The following ORC1 variants were observed in gnomAD, a reference collection of about 807,000 sequenced individuals.
ORC1 encodes the protein origin recognition complex, subunit 1 homolog.
ORC1 carries 61 observed loss-of-function variants against 98.9 expected under a neutral mutation model. The ratio of observed to expected loss-of-function variants is 0.62; its 90% confidence interval spans 0.50 to 0.76. The LOEUF (loss-of-function observed/expected upper bound fraction) is 0.76, where lower values mean the gene tolerates loss of function less well. Among genes scored for constraint, ORC1 ranks in the 30% least tolerant of loss-of-function variants. ORC1 has a pLI of 0.00. For synonymous variants in ORC1, 385 were observed against 406.9 expected, an observed-to-expected ratio of 0.95 and a Z score of 0.65; for missense variants, 979 against 1,072.2, an observed-to-expected ratio of 0.91 and a Z score of 1.21.
chr1:52,404,927 T>C (rs779833235), upstream of ORC1: 1 of 1,600,906 alleles, frequency 6.2e-7, no homozygotes, highest in South Asian at 1.1e-5. Context: ...GTGGCCCATT[T>C]CTCCTGACCG....
upstream of ORC1, chr1:52,404,434 A>C (rs887277658): frequency 1.7e-5 from 4 of 237,200 alleles, no homozygotes; most frequent in Non-Finnish European, 2.5e-5. Context: ...AGAAAAGAAA[A>C]CTTCGCGCCA....
intron 8 of ORC1, among the ~76,000 whole-genome samples, chr1:52,387,113 G>A (rs1398800804): frequency 6.6e-6 from 1 of 152,136 alleles, no homozygotes; most frequent in African/African-American, 2.4e-5. Flanking sequence ...TTTGGGTGGG[G>A]GCCAGGAGAC....
In ORC1 at chr1:52,393,521, G is replaced by A; in HGVS notation, c.1004C>T (p.Thr335Ile). 1 of 1,614,154 alleles carries A rather than the reference G, an allele frequency of 6.2e-7. No homozygotes were observed. The highest frequency in any genetic ancestry group is 8.5e-7 in the Non-Finnish European group (1 of 1,180,004). ...CTGTCCCCCACTGATAGGGGTAAGT[G>A]TTCTCTCCTCTCTAATGTCTATGGT... ...SKTIDIREER[T>I]LTPISGGQRS... Residue 335 changes from threonine to isoleucine, a missense_variant, in exon 6 of 17, where the codon ACA (threonine) becomes ATA (isoleucine). Physicochemically the swap from Thr to Ile is moderately conservative, Grantham distance 89 (BLOSUM62 -1). Transcript: ENST00000371568.
intron 14 of ORC1, among the ~76,000 whole-genome samples, chr1:52,376,019 T>C (rs1646991126): frequency 6.6e-6 from 1 of 152,138 alleles, no homozygotes; most frequent in African/African-American, 2.4e-5. Flanking sequence ...AGGCACCCCT[T>C]ACAGCACGTG....
At chr1:52,399,501 G>A (rs1335601769) in intron 3 of ORC1, among the ~76,000 whole-genome samples, 1 of 151,886 alleles carries the variant, frequency 6.6e-6, no homozygotes, top group Non-Finnish European at 1.5e-5. Flanking sequence ...GCGGGTGCCT[G>A]TAGTCTCAGC....
At chr1:52,396,802 T>C (rs61782544) in intron 4 of ORC1, among the ~76,000 whole-genome samples, 3,186 of 152,302 alleles carry the variant, frequency 0.021, 72 homozygotes, top group Middle Eastern at 0.11. Context: ...CACAAACTTA[T>C]CTAAACATGC....
intron 13 of ORC1, 34 bp downstream of exon 13, chr1:52,383,386 G>C: frequency 6.2e-7 from 1 of 1,611,238 alleles, no homozygotes; most frequent in Non-Finnish European, 8.5e-7. Flanking sequence ...TTACAGATCT[G>C]CAAGAACAGC....
At position 52,388,666 on chromosome 1, in the gene ORC1, C is replaced by G. The variant is rs763162192; in HGVS notation, c.1188-29G>C. ...AATGGTAGGGACATATTTTTTGATACTCAGTGTTCAAGTCTAAATAAGAAG... is the reference window on the plus strand; with the variant it reads ...AATGGTAGGGACATATTTTTTGATAGTCAGTGTTCAAGTCTAAATAAGAAG... On this transcript the variant is annotated intron_variant, in intron 7 of 16. Coordinates refer to ENST00000371568, the MANE Select transcript of ORC1 (RefSeq NM_004153.4). The G allele has an allele frequency of 1.1e-5, 18 of 1,578,956 alleles. No homozygotes were observed. In the South Asian group the frequency reaches 2.0e-4, roughly 17 times the overall value.
chr1:52,402,932 T>C (rs983462272), intron 1 of ORC1, among the ~76,000 whole-genome samples: 2 of 152,168 alleles, frequency 1.3e-5, no homozygotes, highest in Non-Finnish European at 2.9e-5. Flanking sequence ...TTATTATCAC[T>C]TCAAGGTGAT....
rs79223694 is a variant in ORC1, at chr1:52,375,389, C to A, written c.2303+41G>T. On this transcript the variant is annotated intron_variant, in intron 15 of 16. Transcript: ENST00000371568. ...AAAGCTTAGAAAGGGAAACATGTTT[C>A]TACAGCCTTCCAGGAAGGCTCAGGA... 1,695 of 1,594,528 alleles carry A rather than the reference C, an allele frequency of 1.1e-3. 14 individuals carry two copies. In the African/African-American group the frequency reaches 0.021, roughly 20 times the overall value.
At chr1:52,404,864 T>A, upstream of ORC1, 1 of 1,614,064 alleles carries the variant, frequency 6.2e-7, no homozygotes, top group South Asian at 1.1e-5. Flanking sequence ...GAAAGAGGAG[T>A]GCTTTGGACT....
chr1:52,385,201 A>C lies in ORC1; in HGVS notation c.1543T>G (p.Tyr515Asp). 6.2e-7 allele frequency: 1 copy of C among 1,613,982 alleles called. No individual in the cohort carries two copies. The highest frequency in any genetic ancestry group is 8.5e-7 in the Non-Finnish European group (1 of 1,179,818). Residue 515 changes from tyrosine to aspartate, a missense_variant, in exon 10 of 17, where the codon TAC becomes GAC. By Grantham distance (160) the Tyr-to-Asp change is radical. Coordinates refer to ENST00000371568, the MANE Select transcript of ORC1 (RefSeq NM_004153.4). ...AGGAGTTTGCTTTCCACAAAATTGTAGATGTCTTGGAATTCCTGTTCCCGA... is the reference window on the plus strand; with the variant it reads ...AGGAGTTTGCTTTCCACAAAATTGTCGATGTCTTGGAATTCCTGTTCCCGA... ...PCREQEFQDIYNFVESKLLDH... is the reference protein window; with the variant it reads ...PCREQEFQDIDNFVESKLLDH...
At chr1:52,388,735 T>G in intron 7 of ORC1, 98 bp from the exon 8 acceptor site, 3 of 1,091,242 alleles carry the variant, frequency 2.7e-6, no homozygotes, top group Non-Finnish European at 4.2e-6. Flanking sequence ...GCAGGGTCCC[T>G]CCTGTGACCA....
intron 8 of ORC1, among the ~76,000 whole-genome samples, chr1:52,386,629 C>G (rs1364643794): frequency 6.6e-6 from 1 of 152,220 alleles, no homozygotes; most frequent in Non-Finnish European, 1.5e-5. Context: ...AGAACAATCT[C>G]TCCATTTCCT....
In ORC1 at chr1:52,383,900, G is replaced by A; in HGVS notation, c.1793C>T (p.Ala598Val). The A allele has an allele frequency of 6.2e-7, 1 of 1,614,166 alleles. No individual in the cohort carries two copies. The highest frequency in any genetic ancestry group is 8.5e-7 in the Non-Finnish European group (1 of 1,180,024). The change falls in exon 12 of 17, where the codon GCA becomes GTA. Residue 598 changes from alanine (A) to valine (V), a missense_variant. Ala to Val is a moderately conservative substitution (Grantham distance 64). Transcript: ENST00000371568. ...TGQKATANHA[A>V]ELLAKQFCTR... is the part of the protein sequence containing the mutation. ...GCAGAATTGCTTTGCCAGCAGTTCT[G>A]CCGCATGGTTGGCTGTTGCTTTTTG...
intron 14 of ORC1, among the ~76,000 whole-genome samples, chr1:52,378,574 G>C (rs1647023603): frequency 6.6e-6 from 1 of 151,814 alleles, no homozygotes; most frequent in African/African-American, 2.4e-5. Context: ...TGAGGCAGGA[G>C]AATTGCTTGA....
rs193197289 is a variant in ORC1, at chr1:52,399,127, C to T, written c.224-1264G>A. The stretch of plus-strand genomic sequence containing the variant: ...GAGGAGCTACTCTAAACACAGGCAA[C>T]GAACAAATAAAAATCAGTGACTATA... On this transcript the variant is annotated intron_variant, in intron 3 of 16. Transcript: ENST00000371568. Among the ~76,000 whole-genome samples, 195 of 152,180 alleles carry T rather than the reference C, an allele frequency of 1.3e-3. No individual in the cohort carries two copies. In the South Asian group the frequency reaches 0.016, roughly 12 times the overall value.
At chr1:52,403,823 C>T (rs908238161) in intron 1 of ORC1, among the ~76,000 whole-genome samples, 7 of 152,148 alleles carry the variant, frequency 4.6e-5, no homozygotes, top group East Asian at 1.9e-4. Context: ...CACGTCCCTC[C>T]CTGGGCGCAA....
intron 6 of ORC1, among the ~76,000 whole-genome samples, chr1:52,392,139 T>C (rs1647224634): frequency 1.4e-5 from 2 of 147,902 alleles, no homozygotes; most frequent in Admixed American, 6.8e-5. Flanking sequence ...GAACACTTCT[T>C]TTTTTTTTTT....
Sources: gnomAD v4.1 joint callset for allele counts (sites outside exome capture counted in the v4.1 genomes callset) on GRCh38, gnomAD v4.1.1 for gene constraint, MANE v1.5 for transcripts, NCBI Gene and HGNC (gene_info 2026-07-23, HGNC 2026-07-21) for gene names.